Variants in VPS35L observed in about 807,000 individuals in gnomAD.
The protein encoded by VPS35L is VPS35 endosomal protein-sorting factor-like.
In VPS35L, 83 loss-of-function variants were observed where a neutral mutation model predicts 133.0. The ratio of observed to expected loss-of-function variants is 0.62; its 90% CI spans 0.52 to 0.75. The LOEUF is 0.75. Among genes scored for constraint, VPS35L ranks in the 30% least tolerant of loss-of-function variants. VPS35L has a pLI of 0.00. For synonymous variants in VPS35L, 423 were observed against 449.9 expected, an observed-to-expected ratio of 0.94 and a Z score of 0.76; for missense variants, 1,083 against 1,206.8, an observed-to-expected ratio of 0.90 and a Z score of 1.52.
intron 8 of VPS35L, among the ~76,000 whole-genome samples, chr16:19,595,877 G>A (rs1014157340): frequency 2.0e-5 from 3 of 152,178 alleles, no homozygotes; most frequent in South Asian, 2.1e-4. Context: ...CAGGCGCAGT[G>A]GTTCATGCCT....
At chr16:19,600,274 T>C (rs1972341146) in intron 8 of VPS35L, among the ~76,000 whole-genome samples, 1 of 148,430 alleles carries the variant, frequency 6.7e-6, no homozygotes, top group African/African-American at 2.5e-5. Flanking sequence ...AAAAAAAAAA[T>C]CTCATAGAGG....
Position 19,625,363 on chromosome 16 carries a change from C to A in VPS35L, c.1225-814C>A, listed in dbSNP as rs1023451014. ...TGGCTGGTGGGCACTAAGCTCTAGC[C>A]CAGTGTTTGTTGCTGATATTACTAA... On this transcript the variant is annotated intron_variant, in intron 14 of 30. Coordinates refer to ENST00000417362, the MANE Select transcript of VPS35L (RefSeq NM_020314.7). Among the ~76,000 whole-genome samples, 6 of 152,212 alleles carry A rather than the reference C, an allele frequency of 3.9e-5. No homozygotes were observed. The South Asian group carries it at 1.2e-3, about 32-fold the overall frequency.
intron 19 of VPS35L, among the ~76,000 whole-genome samples, chr16:19,635,557 C>T (rs779872590): frequency 1.1e-4 from 17 of 152,114 alleles, no homozygotes; most frequent in Non-Finnish European, 2.2e-4. Context: ...CTAATTGAGA[C>T]AATCAACAGC....
At position 19,627,737 on chromosome 16, in the gene VPS35L, T is replaced by G. The variant is rs775764923; in HGVS notation, c.1315T>G (p.Phe439Val). 7.4e-6 allele frequency: 12 copies of G among 1,613,992 alleles called. No individual in the cohort carries two copies. The highest frequency in any genetic ancestry group is 1.0e-5 in the Non-Finnish European group (12 of 1,179,984). Residue 439 changes from phenylalanine to valine, a missense_variant, in exon 16 of 31, where the codon TTC becomes GTC. Transcript: ENST00000417362. ...NSVMSAFRAE[F>V]IATRSMDFIG... Reference sequence around the variant, plus strand: ...TGTGATGTCTGCCTTCCGGGCTGAGTTCATCGCCACAAGGTCTATGGATTT... The same window carrying G: ...TGTGATGTCTGCCTTCCGGGCTGAGGTCATCGCCACAAGGTCTATGGATTT...
At position 19,682,282 on chromosome 16, in the gene VPS35L, G is replaced by C. The variant is rs1421562908; in HGVS notation, c.2419G>C (p.Asp807His). 2 of 1,614,004 alleles carry C rather than the reference G, an allele frequency of 1.2e-6. No individual in the cohort carries two copies. Among genetic ancestry groups the C allele is most frequent in the East Asian group, 2.2e-5 (1 of 44,854 alleles). Residue 807 changes from aspartate (D) to histidine (H), a missense_variant, in exon 28 of 31, where the codon GAC (aspartate) becomes CAC (histidine). Coordinates refer to ENST00000417362, the MANE Select transcript of VPS35L (RefSeq NM_020314.7). ...LVRELLNVIQ[D>H]YTWEDNSDEK... ...TCGAGAGCTTCTCAACGTGATCCAG[G>C]ACTACACCTGGGAGGACAACAGCGA... is the stretch of plus-strand genomic sequence containing the variant.
At chr16:19,662,156 C>T (rs530171795) in intron 26 of VPS35L, among the ~76,000 whole-genome samples, 24 of 152,078 alleles carry the variant, frequency 1.6e-4, no homozygotes, top group African/African-American at 4.3e-4. Flanking sequence ...TGAGCTATGA[C>T]GGTACCACTG....
chr16:19,665,172 C>T (rs1375027126), intron 26 of VPS35L, among the ~76,000 whole-genome samples: 2 of 152,192 alleles, frequency 1.3e-5, no homozygotes, highest in Non-Finnish European at 2.9e-5. Flanking sequence ...ATCCTGTGTG[C>T]TACAAACAAT....
chr16:19,637,857 A>G (rs953403903), intron 20 of VPS35L, among the ~76,000 whole-genome samples: 3 of 152,200 alleles, frequency 2.0e-5, no homozygotes, highest in Non-Finnish European at 1.5e-5. Context: ...CAAAAACTGA[A>G]AGAAAAATAT....
At chr16:19,616,242 C>A in intron 13 of VPS35L, 51 bp downstream of exon 13, 2 of 1,487,118 alleles carry the variant, frequency 1.3e-6, no homozygotes, top group Non-Finnish European at 1.9e-6. Flanking sequence ...TCTATGATAG[C>A]AAATTCACAA....
chr16:19,558,917 C>T (rs1240305803), intron 1 of VPS35L, among the ~76,000 whole-genome samples: 6 of 112,168 alleles, frequency 5.3e-5, no homozygotes. Flanking sequence ...AGTGAGACTC[C>T]GTCTCAAAAA....
intron 7 of VPS35L, among the ~76,000 whole-genome samples, chr16:19,585,568 A>C (rs1177225770): frequency 6.6e-6 from 1 of 151,646 alleles, no homozygotes; most frequent in Non-Finnish European, 1.5e-5. Context: ...TGCCCAGTTT[A>C]TTTAAAATTT....
chr16:19,592,317 T>A (rs1006932944), intron 8 of VPS35L, among the ~76,000 whole-genome samples: 1 of 151,366 alleles, frequency 6.6e-6, no homozygotes, highest in Non-Finnish European at 1.5e-5. Flanking sequence ...TAGCCTCAAG[T>A]GATCCTCCTG....
chr16:19,693,519 G>A (rs923040858), intron 29 of VPS35L, among the ~76,000 whole-genome samples: 5 of 152,022 alleles, frequency 3.3e-5, no homozygotes, highest in East Asian at 3.9e-4. Context: ...GGTGACTCAC[G>A]CCTGTAATCC....
rs565940588 is a variant in VPS35L at position 19,681,112 on chromosome 16, G to A, written c.2362-1113G>A. 1.7e-4 allele frequency among the ~76,000 whole-genome samples: 26 copies of A among 152,308 alleles called. No homozygotes were observed. The South Asian group carries it at 4.3e-3, about 25-fold the overall frequency. On this transcript the variant is annotated intron_variant, in intron 27 of 30. Transcript: ENST00000417362. ...CCTGGCTGGAGGCCAGCACCTGGAC[G>A]TGTGTGCCAGCCCCTGGTGCCACTC...
chr16:19,616,564 A>C, intron 13 of VPS35L, 122 bp from the exon 14 acceptor site: 2 of 1,183,094 alleles, frequency 1.7e-6, no homozygotes, highest in Non-Finnish European at 2.3e-6. Flanking sequence ...CCGAGAAACC[A>C]GGCTATTTCT....
At chr16:19,616,086 A>G in intron 12 of VPS35L, 28 bp from the exon 13 acceptor site, 2 of 1,588,090 alleles carry the variant, frequency 1.3e-6, no homozygotes, top group East Asian at 2.2e-5. Flanking sequence ...ATTATTTGCA[A>G]CCAGTTTTTC....
rs36127728 is a variant in VPS35L at position 19,679,413 on chromosome 16, A to ATT, written c.2362-2798_2362-2797dup. 2.0e-3 allele frequency among the ~76,000 whole-genome samples: 276 copies of ATT among 136,556 alleles called. 2 individuals carry two copies. Among genetic ancestry groups the ATT allele is most frequent in the African/African-American group, 5.1e-3 (191 of 37,308 alleles). 89.6% of individuals were successfully genotyped at this position (136,556 alleles called of 152,430 possible). ...AGGTGCACACCACCACACGTGGCTA[A>ATT]TTTTTTTTTTTTTTTGTAGAAACAA... On this transcript the variant is annotated intron_variant, in intron 27 of 30. Transcript: ENST00000417362.
In VPS35L at chr16:19,678,075, G is replaced by C. The variant is rs142087774; in HGVS notation, c.2362-4150G>C. Among the ~76,000 whole-genome samples, 895 of 152,270 alleles carry C rather than the reference G, an allele frequency of 5.9e-3. 5 individuals are homozygous for C. The highest frequency in any genetic ancestry group is 0.021 in the African/African-American group (861 of 41,554). ...CGCCATGCTCACTGCCTTTCATCTT[G>C]GTTCTCCTAGGAAGAGTTAGTTACT... On this transcript the variant is annotated intron_variant, in intron 27 of 30. Coordinates refer to ENST00000417362, the MANE Select transcript of VPS35L (RefSeq NM_020314.7).
At chr16:19,607,623 G>A (rs897533470) in intron 9 of VPS35L, among the ~76,000 whole-genome samples, 1 of 152,192 alleles carries the variant, frequency 6.6e-6, no homozygotes, top group Admixed American at 6.6e-5. Flanking sequence ...CACCTCAGAG[G>A]CCTTGTTTTA....
Sources: gnomAD v4.1 joint callset for allele counts (sites outside exome capture counted in the v4.1 genomes callset) on GRCh38, gnomAD v4.1.1 for gene constraint, MANE v1.5 for transcripts, NCBI Gene and HGNC (gene_info 2026-07-23, HGNC 2026-07-21) for gene names.